Variants in FER observed in about 807,000 individuals in gnomAD.
FER encodes FER tyrosine kinase, also known as tyrosine-protein kinase Fer.
A neutral mutation model predicts 111.0 loss-of-function variants in FER; 63 were observed. The ratio of observed to expected loss-of-function variants is 0.57; its 90% CI spans 0.46 to 0.70. The LOEUF (loss-of-function observed/expected upper bound fraction) is 0.70, where lower values mean the gene tolerates loss of function less well. Ranked by LOEUF, FER falls within the 30% of genes least tolerant of loss-of-function variation. The pLI is 0.00. For synonymous variants in FER, 327 were observed against 313.9 expected (o/e 1.04, Z -0.44); for missense variants, 914 against 954.0 (o/e 0.96, Z 0.55).
At chr5:108,844,061 T>TATGTGTGAACACATATATGTGTGTGAAC in intron 5 of FER, among the ~76,000 whole-genome samples, 1 of 90,052 alleles carries the variant, frequency 1.1e-5, no homozygotes, top group South Asian at 3.0e-4. Flanking sequence ...TGTGTGAACA[T>TATGTGTGAACACATATATGTGTGTGAAC]ATATATGTGT....
chr5:109,149,165 A>G (rs539071195), intron 17 of FER, among the ~76,000 whole-genome samples: 21 of 152,274 alleles, frequency 1.4e-4, no homozygotes, highest in Admixed American at 4.6e-4. Flanking sequence ...CTGTGACCAT[A>G]TGTGTAACGT....
intron 17 of FER, among the ~76,000 whole-genome samples, chr5:109,116,416 T>A (rs566429956): frequency 1.5e-5 from 2 of 133,890 alleles, no homozygotes. Context: ...TGTCAGATTA[T>A]TCCCCCCGCC....
At chr5:109,061,923 A>G (rs1404019150) in intron 16 of FER, among the ~76,000 whole-genome samples, 5 of 152,200 alleles carry the variant, frequency 3.3e-5, no homozygotes, top group Non-Finnish European at 7.3e-5. Context: ...AACCAGAGTA[A>G]TGTTTGAGAA....
At chr5:108,927,722 C>G (rs1245028505) in intron 10 of FER, among the ~76,000 whole-genome samples, 2 of 152,160 alleles carry the variant, frequency 1.3e-5, no homozygotes, top group Non-Finnish European at 2.9e-5. Context: ...TGCATGTGCT[C>G]TCTGGTTTAG....
intron 3 of FER, among the ~76,000 whole-genome samples, chr5:108,822,044 C>T (rs1758903916): frequency 6.6e-6 from 1 of 152,162 alleles, no homozygotes. Context: ...TCATTCTATT[C>T]TCTTTTTCTG....
rs188945377 is a variant in FER at position 109,087,739 on chromosome 5, T to C, written c.1925-12657T>C. 6.5e-3 allele frequency among the ~76,000 whole-genome samples: 985 copies of C among 151,866 alleles called. 8 individuals carry two copies. The highest frequency in any genetic ancestry group is 0.022 in the African/African-American group (926 of 41,504). On this transcript the variant is annotated intron_variant, in intron 16 of 19. Coordinates refer to ENST00000281092, the MANE Select transcript of FER (RefSeq NM_005246.4). ...TTTATTTGCTTATTTTGCCTCAATG[T>C]ATGGACTTTAAATATTAATCAGCCT...
At chr5:108,926,085 C>T (rs908244877) in intron 10 of FER, among the ~76,000 whole-genome samples, 2 of 150,964 alleles carry the variant, frequency 1.3e-5, no homozygotes, top group African/African-American at 4.9e-5. Context: ...TTTTTATACA[C>T]AGTCATTGTC....
At chr5:108,820,753 A>T (rs1208005941) in intron 3 of FER, among the ~76,000 whole-genome samples, 2 of 152,152 alleles carry the variant, frequency 1.3e-5, no homozygotes, top group Non-Finnish European at 2.9e-5. Flanking sequence ...TTGTCCACAT[A>T]TTATTTTTGC....
intron 11 of FER, among the ~76,000 whole-genome samples, chr5:108,950,131 C>T (rs1757525166): frequency 6.6e-6 from 1 of 151,604 alleles, no homozygotes; most frequent in African/African-American, 2.4e-5. Flanking sequence ...TATCAGAGAC[C>T]CAAGAAGGGG....
At chr5:108,814,778 C>T (rs1182133534) in intron 3 of FER, among the ~76,000 whole-genome samples, 1 of 152,154 alleles carries the variant, frequency 6.6e-6, no homozygotes, top group African/African-American at 2.4e-5. Flanking sequence ...TGGAATCACT[C>T]TAGTTCGAAT....
chr5:109,122,459 G>A (rs1282743195), intron 17 of FER, among the ~76,000 whole-genome samples: 2 of 150,646 alleles, frequency 1.3e-5, no homozygotes, highest in African/African-American at 4.9e-5. Context: ...TTTTAATCCT[G>A]TTTTTAGACT....
chr5:108,804,201 C>T (rs370298673), intron 3 of FER, among the ~76,000 whole-genome samples: 1 of 152,272 alleles, frequency 6.6e-6, no homozygotes, highest in East Asian at 1.9e-4. Context: ...TGATTGTTTA[C>T]TGAAGTCGTT....
chr5:108,794,242 A>G (rs544509289), intron 2 of FER, among the ~76,000 whole-genome samples: 77 of 143,372 alleles, frequency 5.4e-4, no homozygotes, highest in South Asian at 1.5e-3. Context: ...TTTGAGACAG[A>G]GTTTCACTCT....
intron 4 of FER, among the ~76,000 whole-genome samples, chr5:108,834,276 G>T (rs1179778976): frequency 6.6e-6 from 1 of 152,144 alleles, no homozygotes; most frequent in Non-Finnish European, 1.5e-5. Flanking sequence ...TTGGGCAAGA[G>T]TACATCATAG....
intron 1 of FER, among the ~76,000 whole-genome samples, chr5:108,756,172 A>T (rs1580380291): frequency 6.9e-6 from 1 of 144,166 alleles, no homozygotes; most frequent in Non-Finnish European, 1.5e-5. Context: ...AAAAAAAAAA[A>T]ATAATAATAA....
chr5:109,129,485 T>C (rs567722253), intron 17 of FER, among the ~76,000 whole-genome samples: 1 of 152,050 alleles, frequency 6.6e-6, no homozygotes, highest in Non-Finnish European at 1.5e-5. Flanking sequence ...CTCTTTGTAC[T>C]TTTATTTCAC....
At chr5:109,035,033 CTT>C (rs554716544) in intron 13 of FER, among the ~76,000 whole-genome samples, 10 of 119,656 alleles carry the variant, frequency 8.4e-5, no homozygotes, top group Admixed American at 1.7e-4. Flanking sequence ...AGAAATTGAA[CTT>C]TTTTTTTTTT....
intron 13 of FER, among the ~76,000 whole-genome samples, chr5:108,988,984 T>C (rs1476301462): frequency 1.3e-5 from 2 of 152,144 alleles, no homozygotes; most frequent in Non-Finnish European, 2.9e-5. Context: ...CATTGTGTCA[T>C]TGTTATTGTT....
At chr5:109,032,369 T>G (rs537917506) in intron 13 of FER, among the ~76,000 whole-genome samples, 10 of 152,176 alleles carry the variant, frequency 6.6e-5, no homozygotes, top group Non-Finnish European at 1.5e-4. Context: ...TTCCTCCCTG[T>G]GCCTCATTTT....
Sources: allele counts gnomAD v4.1 joint callset (sites outside exome capture counted in the v4.1 genomes callset), GRCh38; gene constraint gnomAD v4.1.1; transcripts MANE v1.5; gene names NCBI Gene and HGNC (gene_info 2026-07-23, HGNC 2026-07-21).